ULK4: variants seen among roughly 807,000 people sequenced by gnomAD.
ULK4 encodes the protein unc-51 like kinase 4, also known as inactive serine/threonine-protein kinase ULK4.
Under a neutral mutation model 160.6 loss-of-function variants are expected in ULK4, and 133 were observed. The ratio of observed to expected loss-of-function variants is 0.83; its 90% CI spans 0.72 to 0.96. The LOEUF (loss-of-function observed/expected upper bound fraction) is 0.96, where lower values mean the gene tolerates loss of function less well. ULK4 is among the 40% of genes least tolerant of loss of function. The probability of loss-of-function intolerance (pLI) is 0.00; values close to 1 mark genes in which losing one functional copy is unlikely to be tolerated. For synonymous variants in ULK4, 534 were observed against 539.8 expected, an observed-to-expected ratio of 0.99 and a Z score of 0.15; for missense variants, 1,580 against 1,499.5, an observed-to-expected ratio of 1.05 and a Z score of -0.89.
At chr3:41,874,233 CG>C (rs1250334737) in intron 17 of ULK4, among the ~76,000 whole-genome samples, 2 of 152,084 alleles carry the variant, frequency 1.3e-5, no homozygotes, top group African/African-American at 4.8e-5. Context: ...GTGGTGCAAT[CG>C]TGCATCTTAA....
intron 32 of ULK4, among the ~76,000 whole-genome samples, chr3:41,506,755 A>T (rs2085384297): frequency 1.3e-5 from 1 of 76,534 alleles, no homozygotes; most frequent in Non-Finnish European, 2.7e-5. Context: ...AATACACTGG[A>T]GTGTGATTTA....
chr3:41,488,362 G>C (rs1057276094), intron 32 of ULK4, among the ~76,000 whole-genome samples: 1 of 152,088 alleles, frequency 6.6e-6, no homozygotes, highest in African/African-American at 2.4e-5. Flanking sequence ...TGGAAATTAG[G>C]CATGAACCCA....
intron 35 of ULK4, among the ~76,000 whole-genome samples, chr3:41,279,303 G>A (rs1021950759): frequency 7.1e-6 from 1 of 139,914 alleles, no homozygotes; most frequent in Non-Finnish European, 1.5e-5. Flanking sequence ...CAAGAAATAT[G>A]AGACTATGTG....
At chr3:41,798,668 G>C (rs1301963412) in intron 20 of ULK4, among the ~76,000 whole-genome samples, 4 of 152,058 alleles carry the variant, frequency 2.6e-5, no homozygotes, top group Non-Finnish European at 5.9e-5. Context: ...GGCCGGAAAA[G>C]AGCAACAGTT....
chr3:41,540,901 G>A (rs1374787224), intron 32 of ULK4, among the ~76,000 whole-genome samples: 1 of 151,868 alleles, frequency 6.6e-6, no homozygotes, highest in Admixed American at 6.6e-5. Context: ...TTGTAAATTT[G>A]CTAAGTTCTT....
chr3:41,370,863 C>T (rs1426400201), intron 35 of ULK4, among the ~76,000 whole-genome samples: 2 of 152,194 alleles, frequency 1.3e-5, no homozygotes, highest in Non-Finnish European at 2.9e-5. Flanking sequence ...GGATTCTACC[C>T]CCATGGAGCC....
intron 35 of ULK4, among the ~76,000 whole-genome samples, chr3:41,373,321 C>G (rs2081410740): frequency 6.6e-6 from 1 of 152,150 alleles, no homozygotes; most frequent in South Asian, 2.1e-4. Context: ...CACCCCAAAT[C>G]AACAGAATAT....
intron 34 of ULK4, among the ~76,000 whole-genome samples, chr3:41,411,521 G>T (rs2082409228): frequency 6.6e-6 from 1 of 151,402 alleles, no homozygotes; most frequent in South Asian, 2.1e-4. Context: ...TCTGCCTCCG[G>T]GGTTCAAGTG....
intron 35 of ULK4, among the ~76,000 whole-genome samples, chr3:41,355,451 C>T (rs1414970053): frequency 6.6e-6 from 1 of 152,036 alleles, no homozygotes; most frequent in Non-Finnish European, 1.5e-5. Context: ...AGAGTAATTC[C>T]CTGTATGGAT....
chr3:41,445,227 TACAA>T (rs2083269905), intron 34 of ULK4, among the ~76,000 whole-genome samples: 2 of 151,956 alleles, frequency 1.3e-5, no homozygotes, highest in African/African-American at 4.8e-5. Context: ...TAAAAAAGGA[TACAA>T]ACAAATGGAA....
intron 32 of ULK4, among the ~76,000 whole-genome samples, chr3:41,488,291 A>G (rs1495695): frequency 0.9 from 136,303 of 152,204 alleles, 61,493 homozygotes; most frequent in Middle Eastern, 0.96. Flanking sequence ...CATCCTCTAC[A>G]ACCACTCAGT....
chr3:41,678,479 CCTAT>C (rs1003573497), intron 29 of ULK4, among the ~76,000 whole-genome samples: 2 of 152,080 alleles, frequency 1.3e-5, no homozygotes, highest in African/African-American at 2.4e-5. Context: ...AGAATAGGAG[CCTAT>C]CTGAGAACAA....
chr3:41,864,269 C>T (rs1215790251), intron 17 of ULK4, among the ~76,000 whole-genome samples: 1 of 152,146 alleles, frequency 6.6e-6, no homozygotes, highest in Non-Finnish European at 1.5e-5. Flanking sequence ...GTTCTCCCTC[C>T]CCCAGTGCCC....
intron 32 of ULK4, among the ~76,000 whole-genome samples, chr3:41,533,266 TTGGA>T (rs1271244721): frequency 6.6e-6 from 1 of 152,166 alleles, no homozygotes; most frequent in East Asian, 1.9e-4. Flanking sequence ...TCGCTTAGCT[TTGGA>T]TGGTTTATTA....
intron 35 of ULK4, among the ~76,000 whole-genome samples, chr3:41,352,167 T>A (rs1322040953): frequency 1.3e-5 from 2 of 152,194 alleles, no homozygotes; most frequent in Non-Finnish European, 2.9e-5. Flanking sequence ...GGCCTCATAC[T>A]CTTCACTTGA....
chr3:41,860,555 G>T (rs1430154637), intron 17 of ULK4, among the ~76,000 whole-genome samples: 2 of 151,820 alleles, frequency 1.3e-5, no homozygotes, highest in East Asian at 3.9e-4. Context: ...GCTCTTTTTT[G>T]GTTTCCACTG....
intron 17 of ULK4, among the ~76,000 whole-genome samples, chr3:41,864,411 T>C (rs2042572092): frequency 6.6e-6 from 1 of 151,972 alleles, no homozygotes; most frequent in South Asian, 2.1e-4. Flanking sequence ...CTTTCAGCGA[T>C]ATGAGATTAA....
intron 31 of ULK4, 41 bp from the exon 32 acceptor site, chr3:41,566,171 A>G (rs199624003): frequency 9.5e-5 from 145 of 1,521,270 alleles, no homozygotes; most frequent in Middle Eastern, 3.4e-4. Flanking sequence ...ATACAGAAAT[A>G]CAATTACATC....
chr3:41,606,102 T>C (rs2032370574), intron 31 of ULK4, among the ~76,000 whole-genome samples: 1 of 151,916 alleles, frequency 6.6e-6, no homozygotes, highest in Non-Finnish European at 1.5e-5. Flanking sequence ...AGGCAGTGCT[T>C]AGGGGGACAT....
Sources: gnomAD v4.1 joint callset for allele counts (sites outside exome capture counted in the v4.1 genomes callset) on GRCh38, gnomAD v4.1.1 for gene constraint, MANE v1.5 for transcripts, NCBI Gene and HGNC (gene_info 2026-07-23, HGNC 2026-07-21) for gene names.